MON2: variants seen among roughly 807,000 people sequenced by gnomAD.
The protein encoded by MON2 is MON2 regulator of endosome-to-Golgi trafficking.
A neutral mutation model predicts 208.6 loss-of-function variants in MON2; 84 were observed. The ratio of observed to expected loss-of-function variants is 0.40; its 90% confidence interval spans 0.34 to 0.48. The LOEUF (loss-of-function observed/expected upper bound fraction) is 0.48, where lower values mean the gene tolerates loss of function less well. Among genes scored for constraint, MON2 ranks in the 20% least tolerant of loss-of-function variants. The pLI is 0.59. For synonymous variants in MON2, 660 were observed against 694.0 expected, an observed-to-expected ratio of 0.95 and a Z score of 0.77; for missense variants, 1,611 against 2,015.4, an observed-to-expected ratio of 0.80 and a Z score of 3.84.
intron 32 of MON2, among the ~76,000 whole-genome samples, chr12:62,581,303 G>A (rs1177879905): frequency 1.3e-5 from 2 of 152,140 alleles, no homozygotes; most frequent in Non-Finnish European, 2.9e-5. Flanking sequence ...TTCTGGGATC[G>A]CTAGGTGGGA....
intron 4 of MON2, among the ~76,000 whole-genome samples, chr12:62,497,830 G>A (rs1174474208): frequency 6.6e-6 from 1 of 152,072 alleles, no homozygotes; most frequent in Non-Finnish European, 1.5e-5. Context: ...TGGCCGGGCT[G>A]GCCTTCAAAT....
chr12:62,557,928 T>TTTTA (rs1555174418), intron 25 of MON2, among the ~76,000 whole-genome samples: 3 of 46,128 alleles, frequency 6.5e-5, no homozygotes, highest in African/African-American at 9.6e-5. Flanking sequence ...ACGAATAGAT[T>TTTTA]TATATATATA....
rs1444341770 is a variant in MON2, at chr12:62,565,338, A to G, written c.4134A>G (p.Gly1378=). Reference sequence around the variant, plus strand: ...TTTCCTGTAAACCTCCACAGTATGGACAGCTGGAAACAAAGCACATTGCAA... The same window carrying G: ...TTTCCTGTAAACCTCCACAGTATGGGCAGCTGGAAACAAAGCACATTGCAA... ...VEFSCKPPQY[G]QLETKHIANA... Residue 1378 remains glycine (G), a synonymous_variant, in exon 27 of 35, where the codon GGA becomes GGG. Coordinates refer to ENST00000393630, the MANE Select transcript of MON2 (RefSeq NM_015026.3). The G allele has an allele frequency of 1.2e-6, 2 of 1,611,458 alleles. No individual in the cohort carries two copies. The highest frequency in any genetic ancestry group is 2.7e-5 in the African/African-American group (2 of 74,904).
intron 8 of MON2, among the ~76,000 whole-genome samples, chr12:62,523,224 T>G (rs943883090): frequency 2.0e-5 from 3 of 152,212 alleles, no homozygotes; most frequent in Admixed American, 6.5e-5. Flanking sequence ...GGTGTCATTT[T>G]GTTTAGAAAA....
At chr12:62,505,850 C>T (rs577692892) in intron 7 of MON2, among the ~76,000 whole-genome samples, 1 of 152,110 alleles carries the variant, frequency 6.6e-6, no homozygotes, top group Admixed American at 6.5e-5. Flanking sequence ...ATGATCATAC[C>T]ACTGCACTCC....
In MON2 at chr12:62,495,101, T is replaced by C; in HGVS notation, c.389T>C (p.Val130Ala). 3 of 1,613,060 alleles carry C rather than the reference T, an allele frequency of 1.9e-6. No individual in the cohort carries two copies. Among genetic ancestry groups the C allele is most frequent in the Non-Finnish European group, 2.5e-6 (3 of 1,179,362 alleles). ...EELKLLQTVL[V>A]LLTTNTVVHD... is the part of the protein sequence containing the mutation. ...CTTAAGCTACTTCAAACAGTTCTTG[T>C]TCTTTTAACAACCAATACAGTAGTT... Residue 130 changes from valine (V) to alanine (A), a missense_variant, in exon 4 of 35, where the codon GTT becomes GCT. Physicochemically the swap from Val to Ala is moderately conservative, Grantham distance 64 (BLOSUM62 0). Transcript: ENST00000393630.
At chr12:62,498,154 A>G (rs1278718060) in intron 4 of MON2, among the ~76,000 whole-genome samples, 1 of 152,170 alleles carries the variant, frequency 6.6e-6, no homozygotes, top group Non-Finnish European at 1.5e-5. Context: ...TTGGTAATAA[A>G]AGGTACAAAC....
At chr12:62,517,751 G>A (rs2071781100) in intron 8 of MON2, among the ~76,000 whole-genome samples, 1 of 152,172 alleles carries the variant, frequency 6.6e-6, no homozygotes, top group Non-Finnish European at 1.5e-5. Context: ...AAGCCACCCA[G>A]TCTCTGGTTA....
chr12:62,500,211 G>A (rs909345671), intron 5 of MON2, among the ~76,000 whole-genome samples: 4 of 151,972 alleles, frequency 2.6e-5, no homozygotes, highest in African/African-American at 9.7e-5. Flanking sequence ...TTCTTTTCAG[G>A]TAGTCGTTAA....
intron 1 of MON2, among the ~76,000 whole-genome samples, chr12:62,477,581 A>AT (rs541530436): frequency 0.016 from 2,120 of 128,524 alleles, 13 homozygotes; most frequent in African/African-American, 0.025. Flanking sequence ...CGTTTGCCTA[A>AT]TTTTTTTTTT....
At chr12:62,582,737 T>TA (rs1261452761) in intron 32 of MON2, among the ~76,000 whole-genome samples, 17 of 151,986 alleles carry the variant, frequency 1.1e-4, no homozygotes, top group Non-Finnish European at 2.2e-4. Context: ...AAAAAAAACT[T>TA]AGAGTTTTCC....
At chr12:62,468,562 A>G (rs1171141601) in intron 1 of MON2, among the ~76,000 whole-genome samples, 1 of 152,130 alleles carries the variant, frequency 6.6e-6, no homozygotes, top group East Asian at 1.9e-4. Context: ...TTTTCAACAA[A>G]CTCCATCTTG....
intron 24 of MON2, 41 bp downstream of exon 24, chr12:62,553,215 AT>A: frequency 6.7e-7 from 1 of 1,485,138 alleles, no homozygotes. Context: ...TTAATGAGTC[AT>A]GCTTATATAT....
In MON2 at chr12:62,592,867, TC is replaced by T; in HGVS notation, c.*120del. ...TAATTCTTGGCAGCTGTTGTTGGCC[TC>T]CTTTAAATTCTACTTACCTGAGTTC... On this transcript the variant is annotated 3_prime_UTR_variant, in exon 35 of 35. Transcript: ENST00000393630. 1 of 1,029,850 alleles carries T rather than the reference TC, an allele frequency of 9.7e-7. No individual in the cohort carries two copies. The highest frequency in any genetic ancestry group is 1.4e-6 in the Non-Finnish European group (1 of 726,078). 63.8% of individuals were successfully genotyped at this position (1,029,850 alleles called of 1,614,324 possible). A position where few individuals can be genotyped will look rare whatever the true frequency, so the allele number is the denominator to read the frequency against.
At chr12:62,566,201 A>G in intron 28 of MON2, 121 bp from the exon 29 acceptor site, 1 of 1,371,904 alleles carries the variant, frequency 7.3e-7, no homozygotes, top group Non-Finnish European at 1.0e-6. Context: ...TTTGCATGTA[A>G]TATAATCTGA....
chr12:62,513,761 A>G (rs2071541655), intron 8 of MON2, among the ~76,000 whole-genome samples: 1 of 123,572 alleles, frequency 8.1e-6, no homozygotes, highest in Non-Finnish European at 1.9e-5. Flanking sequence ...CGTGGCTAAC[A>G]TGGTGAAACC....
chr12:62,593,738 C>T lies in MON2; in HGVS notation c.*989C>T, dbSNP rs1386257676. On this transcript the variant is annotated 3_prime_UTR_variant, in exon 35 of 35. Transcript: ENST00000393630. ...ATTTGTCACTGTCTTTGAATTATGA[C>T]CCAGGCAAGATGATTTCAGATTTTC... 1 of 152,196 alleles carries T rather than the reference C, an allele frequency of 6.6e-6. No individual in the cohort carries two copies. The highest frequency in any genetic ancestry group is 1.5e-5 in the Non-Finnish European group (1 of 67,988). 9.4% of individuals were successfully genotyped at this position (152,196 alleles called of 1,614,324 possible).
At chr12:62,482,691 T>C (rs979583508) in intron 1 of MON2, 5 of 152,224 alleles carry the variant, frequency 3.3e-5, no homozygotes, top group African/African-American at 1.2e-4. Context: ...GGAATTATAA[T>C]GTGGGCTACA....
At chr12:62,569,973 C>G (rs1212912337) in intron 29 of MON2, among the ~76,000 whole-genome samples, 1 of 151,840 alleles carries the variant, frequency 6.6e-6, no homozygotes, top group Non-Finnish European at 1.5e-5. Context: ...ACTTTTAGAC[C>G]CAAATTTTTA....
Sources: gnomAD v4.1 joint callset for allele counts (sites outside exome capture counted in the v4.1 genomes callset) on GRCh38, gnomAD v4.1.1 for gene constraint, MANE v1.5 for transcripts, NCBI Gene and HGNC (gene_info 2026-07-23, HGNC 2026-07-21) for gene names.